TLK1: variants seen among roughly 807,000 people sequenced by gnomAD.
TLK1 encodes tousled like kinase 1.
Under a neutral mutation model 105.3 loss-of-function variants are expected in TLK1, and 24 were observed. The observed-to-expected ratio is 0.23, with a 90% CI of 0.17 to 0.32. The LOEUF is 0.32. Ranked by LOEUF, TLK1 falls within the 10% of genes least tolerant of loss-of-function variation. The probability of loss-of-function intolerance (pLI) is 1.00; values close to 1 mark genes in which losing one functional copy is unlikely to be tolerated. For synonymous variants in TLK1, 321 were observed against 310.4 expected, an observed-to-expected ratio of 1.03 and a Z score of -0.36; for missense variants, 558 against 910.5, an observed-to-expected ratio of 0.61 and a Z score of 4.98.
rs1027142804 is a variant in TLK1 at position 171,058,979 on chromosome 2, T to G, written c.407-782A>C. Among the ~76,000 whole-genome samples, 3 of 152,218 alleles carry G rather than the reference T, an allele frequency of 2.0e-5. No individual in the cohort carries two copies. In the South Asian group the frequency reaches 6.2e-4, roughly 31 times the overall value. ...TGATTCATTTATTTTATTTAACAAATATTTCTTAAGTGGTTACTATGTGCC... is the reference window on the plus strand; with the variant it reads ...TGATTCATTTATTTTATTTAACAAAGATTTCTTAAGTGGTTACTATGTGCC... On this transcript the variant is annotated intron_variant, in intron 4 of 20. Coordinates refer to ENST00000431350, the MANE Select transcript of TLK1 (RefSeq NM_012290.5).
intron 12 of TLK1, among the ~76,000 whole-genome samples, chr2:171,026,578 C>T (rs916772052): frequency 6.6e-6 from 1 of 151,912 alleles, no homozygotes; most frequent in Non-Finnish European, 1.5e-5. Context: ...AGATAATAAC[C>T]CTTCAGTAAA....
chr2:171,226,650 C>T (rs1693903807), intron 1 of TLK1, among the ~76,000 whole-genome samples: 1 of 152,168 alleles, frequency 6.6e-6, no homozygotes, highest in African/African-American at 2.4e-5. Context: ...GCTATTATTA[C>T]ACTCTGTGCA....
At chr2:171,005,646 TC>T (rs1480321095) in intron 18 of TLK1, among the ~76,000 whole-genome samples, 1 of 152,128 alleles carries the variant, frequency 6.6e-6, no homozygotes, top group African/African-American at 2.4e-5. Context: ...AGTGGGCAGA[TC>T]GCTTGAGCCT....
rs57223904 is a variant in TLK1, at chr2:171,180,823, CTTTT to C, written c.-6+50318_-6+50321del. On this transcript the variant is annotated intron_variant, in intron 1 of 20. Coordinates refer to the TLK1 transcript ENST00000521943. ...GCATACAAATAATGTTAAGAGGATG[CTTTT>C]TTTTTTTTTTTTTTTTACTTTAGCA... 4.5e-3 allele frequency among the ~76,000 whole-genome samples: 548 copies of C among 123,110 alleles called. 4 individuals carry two copies. The highest frequency in any genetic ancestry group is 0.014 in the African/African-American group (506 of 35,566). The allele number at this position is 123,110 out of a possible 152,430, so 80.8% of individuals were successfully genotyped here. A position where few individuals can be genotyped will look rare whatever the true frequency, so the allele number is the denominator to read the frequency against.
Position 171,014,901 on chromosome 2 carries a change from T to C in TLK1, c.1284A>G (p.Arg428=). ...TTTTCAGCTCACGTATGTGAAGATT[T>C]CTGACTCTTTCCAAACGTTCAAGTT... ...QAELERLERV[R]NLHIRELKRI... is the part of the protein sequence containing the mutation. Residue 428 remains arginine (R), a synonymous_variant, in exon 13 of 21, where the codon AGA becomes AGG. Coordinates refer to ENST00000431350, the MANE Select transcript of TLK1 (RefSeq NM_012290.5). The C allele has an allele frequency of 3.1e-6, 5 of 1,614,030 alleles. No individual in the cohort carries two copies. Among genetic ancestry groups the C allele is most frequent in the Non-Finnish European group, 4.2e-6 (5 of 1,179,942 alleles).
intron 12 of TLK1, among the ~76,000 whole-genome samples, chr2:171,020,526 C>T (rs1244093160): frequency 2.1e-5 from 3 of 143,670 alleles, no homozygotes; most frequent in Non-Finnish European, 3.0e-5. Context: ...GGTGACACAG[C>T]GAGACTGTCT....
chr2:171,191,109 G>A (rs1015252303), intron 1 of TLK1, among the ~76,000 whole-genome samples: 43 of 151,618 alleles, frequency 2.8e-4, no homozygotes, highest in African/African-American at 9.5e-4. Context: ...GCAATGAGTC[G>A]AGATCACGCC....
rs1161861741 is a variant in TLK1 at position 171,006,649 on chromosome 2, A to G, written c.1599-6T>C. The G allele has an allele frequency of 3.1e-6, 5 of 1,611,836 alleles. No homozygotes were observed. The highest frequency in any genetic ancestry group is 1.3e-5 in the African/African-American group (1 of 74,914). On this transcript the variant is annotated splice_region_variant and splice_polypyrimidine_tract_variant and intron_variant, in intron 16 of 20. Transcript: ENST00000431350. ...ATTCTAACACTGTACAAAACCTACA[A>G]CAGAGAAGAGAAAAAAATTAGACAT...
In TLK1 at chr2:171,048,612, T is replaced by C. The variant is rs181710623; in HGVS notation, c.980+1202A>G. ...ATATGTAAACCTTTAACAAGTCCCA[T>C]TATCTGCAGAATTGAAACCCAAACT... On this transcript the variant is annotated intron_variant, in intron 10 of 20. Coordinates refer to ENST00000431350, the MANE Select transcript of TLK1 (RefSeq NM_012290.5). Among the ~76,000 whole-genome samples the C allele has an allele frequency of 2.5e-4, 8 of 31,996 alleles. No individual in the cohort carries two copies. The East Asian group carries it at 0.22, about 889-fold the overall frequency. 21.0% of individuals were successfully genotyped at this position (31,996 alleles called of 152,430 possible). A position where few individuals can be genotyped will look rare whatever the true frequency, so the allele number is the denominator to read the frequency against.
chr2:170,997,350 G>A (rs1423929030), intron 19 of TLK1, among the ~76,000 whole-genome samples: 1 of 152,140 alleles, frequency 6.6e-6, no homozygotes, highest in Non-Finnish European at 1.5e-5. Flanking sequence ...CGGGGAAACT[G>A]CCCACCCAGG....
chr2:171,139,167 T>G (rs1405573596), intron 1 of TLK1, among the ~76,000 whole-genome samples: 1 of 152,192 alleles, frequency 6.6e-6, no homozygotes, highest in Non-Finnish European at 1.5e-5. Flanking sequence ...AGGATATATA[T>G]ATACACACAC....
chr2:171,083,005 A>C (rs1461035602), intron 2 of TLK1, among the ~76,000 whole-genome samples, 153 bp from the exon 3 acceptor site: 1 of 152,218 alleles, frequency 6.6e-6, no homozygotes. Flanking sequence ...TGAGGTAAAA[A>C]TAAGAAATAC....
intron 2 of TLK1, among the ~76,000 whole-genome samples, chr2:171,094,508 AAAG>A (rs1302517013): frequency 2.0e-5 from 3 of 152,222 alleles, no homozygotes; most frequent in Non-Finnish European, 4.4e-5. Flanking sequence ...CGAGAAAGCA[AAAG>A]AAAGACATTT....
At chr2:171,220,159 C>T (rs1423002334) in intron 1 of TLK1, among the ~76,000 whole-genome samples, 2 of 152,100 alleles carry the variant, frequency 1.3e-5, no homozygotes, top group Admixed American at 6.5e-5. Context: ...TGCAAAGACC[C>T]TTTTTCCATA....
At chr2:171,137,082 G>T (rs979924690) in intron 1 of TLK1, among the ~76,000 whole-genome samples, 6 of 152,116 alleles carry the variant, frequency 3.9e-5, no homozygotes, top group African/African-American at 1.4e-4. Context: ...CAGCACTTTG[G>T]GAAGCCAAGA....
In TLK1 at chr2:171,193,561, T is replaced by A. The variant is rs540398808; in HGVS notation, c.-6+37584A>T. ...ACAAGCGCCCGCCACCACGCCCGGC[T>A]AATTTTTTATATTTTTTCTTTAGTA... On this transcript the variant is annotated intron_variant, in intron 1 of 20. Transcript: ENST00000521943. Among the ~76,000 whole-genome samples, 12 of 151,504 alleles carry A rather than the reference T, an allele frequency of 7.9e-5. No homozygotes were observed. In the East Asian group the frequency reaches 1.6e-3, roughly 20 times the overall value.
At chr2:171,135,896 G>GA (rs922700202) in intron 1 of TLK1, among the ~76,000 whole-genome samples, 2 of 152,090 alleles carry the variant, frequency 1.3e-5, no homozygotes, top group African/African-American at 4.8e-5. Context: ...CAAAAACACT[G>GA]AAAAAAAGTG....
rs146112588 is a variant in TLK1, at chr2:171,136,370, C to T, written c.140-18513G>A. Among the ~76,000 whole-genome samples the T allele has an allele frequency of 5.1e-3, 775 of 152,184 alleles. 6 individuals carry two copies. Among genetic ancestry groups the T allele is most frequent in the African/African-American group, 0.017 (720 of 41,518 alleles). ...GGTGTAAAGTTACAGTTTGACAAAA[C>T]GAAAACATTCTGGAGATTAGCTGCA... On this transcript the variant is annotated intron_variant, in intron 1 of 20. Transcript: ENST00000431350.
intron 1 of TLK1, among the ~76,000 whole-genome samples, chr2:171,230,600 C>T (rs1443540623): frequency 6.6e-6 from 1 of 152,186 alleles, no homozygotes; most frequent in African/African-American, 2.4e-5. Context: ...CCCCAGACTC[C>T]TCAGGGAGAT....
Sources: allele counts gnomAD v4.1 joint callset (sites outside exome capture counted in the v4.1 genomes callset), GRCh38; gene constraint gnomAD v4.1.1; transcripts MANE v1.5; gene names NCBI Gene and HGNC (gene_info 2026-07-23, HGNC 2026-07-21).